Variants in CLCN5 observed in about 807,000 individuals in gnomAD.
CLCN5 encodes the protein Cl-/H+ antiporter 5, also known as H(+)/Cl(-) exchange transporter 5.
In CLCN5, 17 loss-of-function variants were observed where a neutral mutation model predicts 54.0. The ratio of observed to expected loss-of-function variants is 0.31; its 90% CI spans 0.22 to 0.47. The LOEUF is 0.47. Among genes scored for constraint, CLCN5 ranks in the 20% least tolerant of loss-of-function variants. The probability of loss-of-function intolerance (pLI) is 1.00; values close to 1 mark genes in which losing one functional copy is unlikely to be tolerated. For missense variants in CLCN5, 448 were observed against 646.7 expected, an observed-to-expected ratio of 0.69 and a Z score of 3.33; for synonymous variants, 222 against 233.0, an observed-to-expected ratio of 0.95 and a Z score of 0.43.
At chrX:50,015,794 GT>G (rs1930760790) in intron 3 of CLCN5, among the ~76,000 whole-genome samples, 1 of 110,892 alleles carries the variant, frequency 9.0e-6, no homozygotes, top group Admixed American at 9.7e-5. Context: ...CAAATTTATA[GT>G]GTTCAGGTCA....
intron 4 of CLCN5, among the ~76,000 whole-genome samples, chrX:50,044,333 C>T (rs1374885194): frequency 9.0e-6 from 1 of 111,394 alleles, no homozygotes; most frequent in African/African-American, 3.3e-5. Context: ...TGTTTTGGAG[C>T]GAGGTCTTGA....
intron 3 of CLCN5, among the ~76,000 whole-genome samples, chrX:49,975,828 T>C (rs1928449523): frequency 8.9e-6 from 1 of 112,369 alleles, no homozygotes; most frequent in Non-Finnish European, 1.9e-5. Context: ...CTGCATCCTT[T>C]GAACAAGTGG....
intron 3 of CLCN5, among the ~76,000 whole-genome samples, chrX:50,019,573 C>G (rs1930987863): frequency 1.7e-5 from 1 of 57,490 alleles, no homozygotes; most frequent in Admixed American, 2.1e-4. Context: ...GTGCGCTGCA[C>G]CCACTAATGT....
chrX:49,997,080 AGT>A (rs1378290400), intron 3 of CLCN5, among the ~76,000 whole-genome samples: 1 of 111,479 alleles, frequency 9.0e-6, no homozygotes, highest in Non-Finnish European at 1.9e-5. Context: ...TTGTATCAGT[AGT>A]TCAGCATTTT....
In CLCN5 at chrX:50,075,975, C is replaced by G. The variant is rs782653737; in HGVS notation, c.596C>G (p.Thr199Arg). Residue 199 changes from threonine (T) to arginine (R), a missense_variant, in exon 7 of 15, where the codon ACA becomes AGA. Physicochemically the swap from Thr to Arg is moderately conservative, Grantham distance 71. Coordinates refer to ENST00000376091, the MANE Select transcript of CLCN5 (RefSeq NM_001127898.4). ...AGTTGGTCCCAGCTTATCATCAGCA[C>G]AGATGAGGTAACATGTAGTGATGTT... Reference protein sequence around the residue: ...WNSWSQLIISTDEGAFAYIVN... With the variant: ...WNSWSQLIISRDEGAFAYIVN... 3.3e-6 allele frequency: 4 copies of G among 1,204,418 alleles called. No homozygotes were observed. In the African/African-American group the frequency reaches 7.0e-5, roughly 21 times the overall value.
chrX:49,974,448 C>T (rs782108857), intron 3 of CLCN5, among the ~76,000 whole-genome samples: 1 of 108,587 alleles, frequency 9.2e-6, no homozygotes, highest in African/African-American at 3.4e-5. Context: ...CCACTTCTTA[C>T]TCCTGCCAGG....
chrX:50,030,750 GAGATA>G (rs782311437), intron 3 of CLCN5, among the ~76,000 whole-genome samples: 1 of 112,141 alleles, frequency 8.9e-6, no homozygotes, highest in South Asian at 3.7e-4. Flanking sequence ...GACATCTGTT[GAGATA>G]AGATAATTAT....
At position 50,090,659 on chromosome X, in the gene CLCN5, T is replaced by G; in HGVS notation, c.2144-11T>G. On this transcript the variant is annotated splice_polypyrimidine_tract_variant and intron_variant, in intron 13 of 14. Coordinates refer to ENST00000376091, the MANE Select transcript of CLCN5 (RefSeq NM_001127898.4). Reference sequence around the variant, plus strand: ...CCATCTTCAATTTGTTTTTTCCTTCTGTTTGAATAGAAAATGCTCGAAAGA... The same window carrying G: ...CCATCTTCAATTTGTTTTTTCCTTCGGTTTGAATAGAAAATGCTCGAAAGA... The G allele has an allele frequency of 8.3e-7, 1 of 1,201,596 alleles. No individual in the cohort carries two copies.
chrX:49,929,141 C>T (rs931506161), intron 3 of CLCN5, among the ~76,000 whole-genome samples: 6 of 111,136 alleles, frequency 5.4e-5, no homozygotes, highest in Non-Finnish European at 1.1e-4. Context: ...TGTTGAGGAA[C>T]CCTAAGGGCT....
intron 3 of CLCN5, among the ~76,000 whole-genome samples, chrX:49,950,502 C>G (rs1926989617): frequency 9.0e-6 from 1 of 111,108 alleles, no homozygotes; most frequent in South Asian, 3.8e-4. Context: ...CATATTACCC[C>G]CCTTTTAAAG....
At chrX:50,069,701 C>T (rs1286162850) in intron 4 of CLCN5, 178 bp from the exon 5 acceptor site, 7 of 1,026,639 alleles carry the variant, frequency 6.8e-6, no homozygotes, top group Non-Finnish European at 8.7e-6. Flanking sequence ...TCATTTTGTG[C>T]CTACACCACA....
At chrX:49,948,883 G>T (rs1207114815) in intron 3 of CLCN5, among the ~76,000 whole-genome samples, 1 of 112,480 alleles carries the variant, frequency 8.9e-6, no homozygotes, top group Non-Finnish European at 1.9e-5. Context: ...CACTGTTCAT[G>T]TGAAAACATT....
chrX:50,006,931 G>C (rs1557181463), intron 3 of CLCN5, among the ~76,000 whole-genome samples: 1 of 111,461 alleles, frequency 9.0e-6, no homozygotes, highest in Admixed American at 9.5e-5. Flanking sequence ...CACATGCTGG[G>C]GATACTGGAG....
intron 4 of CLCN5, among the ~76,000 whole-genome samples, chrX:50,064,742 A>G (rs1209836): frequency 0.043 from 4,005 of 92,661 alleles, 118 homozygotes; most frequent in Non-Finnish European, 0.067. Flanking sequence ...GAGGCATCAC[A>G]CTACCTGACT....
intron 3 of CLCN5, among the ~76,000 whole-genome samples, chrX:49,984,721 C>A (rs1236755061): frequency 1.8e-5 from 2 of 110,133 alleles, no homozygotes; most frequent in African/African-American, 6.6e-5. Context: ...CTCAAGTGAT[C>A]CTCCTACCTC....
chrX:49,936,189 T>C (rs1408291365), intron 3 of CLCN5, among the ~76,000 whole-genome samples: 1 of 111,972 alleles, frequency 8.9e-6, no homozygotes, highest in Non-Finnish European at 1.9e-5. Flanking sequence ...CCCCATTCTC[T>C]GTTAAACTAG....
At chrX:49,947,626 G>A (rs781897994) in intron 3 of CLCN5, among the ~76,000 whole-genome samples, 30 of 111,525 alleles carry the variant, frequency 2.7e-4, no homozygotes, top group Non-Finnish European at 4.3e-4. Flanking sequence ...GTATTATTTT[G>A]TCTACTTCTG....
intron 3 of CLCN5, among the ~76,000 whole-genome samples, chrX:49,955,693 C>T (rs1557173820): frequency 9.0e-6 from 1 of 111,630 alleles, no homozygotes; most frequent in African/African-American, 3.3e-5. Context: ...CAACATGGCA[C>T]GATTCTTTCT....
intron 3 of CLCN5, among the ~76,000 whole-genome samples, chrX:49,962,697 T>C (rs1557174895): frequency 9.0e-6 from 1 of 111,697 alleles, no homozygotes. Context: ...TCCTTGGTGG[T>C]CTTTAGTTGA....
Sources: allele counts gnomAD v4.1 joint callset (sites outside exome capture counted in the v4.1 genomes callset), GRCh38; gene constraint gnomAD v4.1.1; transcripts MANE v1.5; gene names NCBI Gene and HGNC (gene_info 2026-07-23, HGNC 2026-07-21).